MIA2: variants seen among roughly 807,000 people sequenced by gnomAD.
The protein encoded by MIA2 is MIA SH3 domain ER export factor 2, also known as melanoma inhibitory activity protein 2.
A neutral mutation model predicts 167.8 loss-of-function variants in MIA2; 127 were observed. That is an observed-to-expected ratio of 0.76 (90% CI 0.66 to 0.88). The LOEUF is 0.88. MIA2 is among the 40% of genes least tolerant of loss of function. The probability of loss-of-function intolerance (pLI) is 0.00; values close to 1 mark genes in which losing one functional copy is unlikely to be tolerated. For synonymous variants in MIA2, 552 were observed against 541.9 expected (o/e 1.02, Z -0.26); for missense variants, 1,690 against 1,624.7 (o/e 1.04, Z -0.69).
chr14:39,267,348 G>T (rs1242694839), intron 6 of MIA2: 2 of 1,572,830 alleles, frequency 1.3e-6, no homozygotes, highest in Non-Finnish European at 1.7e-6. Flanking sequence ...GTCCACTCCG[G>T]TTGCCGGGTG....
chr14:39,331,892 C>T (rs111976741), intron 25 of MIA2, among the ~76,000 whole-genome samples: 2,737 of 151,698 alleles, frequency 0.018, 93 homozygotes, highest in African/African-American at 0.063. Context: ...ACGTTTTTTC[C>T]TTCATTTCAA....
rs546075487 is a variant in MIA2 at position 39,290,331 on chromosome 14, T to A, written c.2131-688T>A. On this transcript the variant is annotated intron_variant, in intron 9 of 28. Coordinates refer to ENST00000640607, the MANE Select transcript of MIA2 (RefSeq NM_001329214.4). Reference sequence around the variant, plus strand: ...TGAGGCTTTCAGACAGATATATATTTTTTTTTTTGGTATTTTTTGTCAAGC... The same window carrying A: ...TGAGGCTTTCAGACAGATATATATTATTTTTTTTGGTATTTTTTGTCAAGC... 4.3e-3 allele frequency among the ~76,000 whole-genome samples: 651 copies of A among 152,218 alleles called. 4 individuals are homozygous for A. The highest frequency in any genetic ancestry group is 0.015 in the African/African-American group (607 of 41,550).
At chr14:39,349,595 T>C (rs2074101550) in intron 28 of MIA2, among the ~76,000 whole-genome samples, 1 of 152,198 alleles carries the variant, frequency 6.6e-6, no homozygotes. Context: ...TCATATAGTC[T>C]TTCCTTCCCT....
At chr14:39,362,932 T>C (rs2074721140) in intron 23 of MIA2, among the ~76,000 whole-genome samples, 1 of 152,228 alleles carries the variant, frequency 6.6e-6, no homozygotes, top group Admixed American at 6.5e-5. Context: ...TTCTACTTTG[T>C]CCCAGTGGTC....
rs192729748 is a variant in MIA2 at position 39,380,522 on chromosome 14, A to G, written c.2249-6363A>G. ...ATCCTGGCCAACATGGTGAAACCCT[A>G]TCTCTACTAAAAAGACAAAAATTAG... is the stretch of plus-strand genomic sequence containing the variant. On this transcript the variant is annotated intron_variant, in intron 23 of 23. Transcript: ENST00000341502. Among the ~76,000 whole-genome samples, 22 of 152,054 alleles carry G rather than the reference A, an allele frequency of 1.4e-4. No individual in the cohort carries two copies. The East Asian group carries it at 1.5e-3, about 11-fold the overall frequency.
Position 39,366,658 on chromosome 14 carries a change from G to T in MIA2, c.2248+17681G>T, listed in dbSNP as rs932989951. ...TGTGTTTGGAAATAGCCTGTCCTCA[G>T]TCTGTCCTGTGGTATGCATGGGTGC... On this transcript the variant is annotated intron_variant, in intron 23 of 23. Transcript: ENST00000341502. Among the ~76,000 whole-genome samples, 16 of 152,214 alleles carry T rather than the reference G, an allele frequency of 1.1e-4. 1 individual carries two copies. The highest frequency in any genetic ancestry group is 2.6e-4 in the Admixed American group (4 of 15,282).
rs1555358833 is a variant in MIA2 at position 39,277,776 on chromosome 14, A to ATT, written c.2019+712_2019+713insTT. ...TATATATATATATATATATATATAT[A>ATT]TATATTTATATTTAAAGAGATGGGG... On this transcript the variant is annotated intron_variant, in intron 7 of 28. Coordinates refer to ENST00000640607, the MANE Select transcript of MIA2 (RefSeq NM_001329214.4). Among the ~76,000 whole-genome samples the ATT allele has an allele frequency of 7.2e-3, 259 of 35,754 alleles. 57 individuals are homozygous for ATT. The highest frequency in any genetic ancestry group is 0.033 in the South Asian group (27 of 828). The allele number at this position is 35,754 out of a possible 152,430, so 23.5% of individuals were successfully genotyped here. A position where few individuals can be genotyped will look rare whatever the true frequency, so the allele number is the denominator to read the frequency against.
chr14:39,386,906 C>T (rs2075281190), exon 24 of MIA2: 1 of 787,198 alleles, frequency 1.3e-6, no homozygotes, highest in Non-Finnish European at 2.2e-6. Context: ...CCGCCCGGGG[C>T]AGGAGCCCCG....
intron 23 of MIA2, among the ~76,000 whole-genome samples, chr14:39,361,963 C>A (rs977795229): frequency 6.6e-6 from 1 of 152,104 alleles, no homozygotes; most frequent in Admixed American, 6.5e-5. Flanking sequence ...TTTTGTCCTT[C>A]ATTCTGTTCA....
chr14:39,289,751 G>A (rs1178286157), intron 9 of MIA2, among the ~76,000 whole-genome samples: 1 of 152,104 alleles, frequency 6.6e-6, no homozygotes, highest in African/African-American at 2.4e-5. Flanking sequence ...CCAAAATGCT[G>A]GGATTACAGA....
intron 23 of MIA2, among the ~76,000 whole-genome samples, chr14:39,361,129 G>C (rs1389262633): frequency 6.6e-6 from 1 of 152,080 alleles, no homozygotes. Context: ...GGCTAGTTCT[G>C]GCTCTTCTTT....
intron 24 of MIA2, among the ~76,000 whole-genome samples, chr14:39,324,075 A>G (rs1329187171): frequency 6.6e-6 from 1 of 152,230 alleles, no homozygotes; most frequent in East Asian, 1.9e-4. Flanking sequence ...AATACTGAGT[A>G]CAAGTAAAAC....
At chr14:39,288,806 C>G (rs1367745349) in intron 9 of MIA2, among the ~76,000 whole-genome samples, 3 of 152,008 alleles carry the variant, frequency 2.0e-5, no homozygotes, top group African/African-American at 4.8e-5. Context: ...ATAAATACCA[C>G]TTGATCCCAA....
intron 9 of MIA2, among the ~76,000 whole-genome samples, chr14:39,289,364 G>A (rs572459287): frequency 9.9e-4 from 151 of 151,928 alleles, no homozygotes; most frequent in Non-Finnish European, 5.4e-4. Flanking sequence ...ACGAGTACAC[G>A]TCACCACGCT....
intron 25 of MIA2, among the ~76,000 whole-genome samples, chr14:39,345,541 T>C (rs1332723222): frequency 1.3e-5 from 2 of 152,338 alleles, no homozygotes; most frequent in Middle Eastern, 3.4e-3. Context: ...TTTTTCCTTA[T>C]GTTAGTAGAT....
chr14:39,326,834 A>G, intron 24 of MIA2, 30 bp from the exon 25 acceptor site: 1 of 1,479,016 alleles, frequency 6.8e-7, no homozygotes, highest in Non-Finnish European at 8.8e-7. Flanking sequence ...AAGATGAAAC[A>G]GATTTGTATG....
chr14:39,324,242 C>T (rs2067020063), intron 24 of MIA2, among the ~76,000 whole-genome samples: 1 of 152,180 alleles, frequency 6.6e-6, no homozygotes, highest in African/African-American at 2.4e-5. Flanking sequence ...CTGAATGTCT[C>T]CTTTAAATCT....
At chr14:39,367,539 C>G (rs1388567165) in intron 23 of MIA2, among the ~76,000 whole-genome samples, 2 of 152,172 alleles carry the variant, frequency 1.3e-5, no homozygotes, top group Non-Finnish European at 2.9e-5. Flanking sequence ...CAGGAGTTTG[C>G]AGTGGGAATG....
chr14:39,345,811 T>C (rs2073110944), intron 25 of MIA2, 93 bp from the exon 26 acceptor site: 1 of 1,031,900 alleles, frequency 9.7e-7, no homozygotes, highest in Non-Finnish European at 1.4e-6. Flanking sequence ...AGTGTTAGAA[T>C]ACAGGTCAAA....
Sources: allele counts gnomAD v4.1 joint callset (sites outside exome capture counted in the v4.1 genomes callset), GRCh38; gene constraint gnomAD v4.1.1; transcripts MANE v1.5; gene names NCBI Gene and HGNC (gene_info 2026-07-23, HGNC 2026-07-21).